The following CADPS variants were observed in gnomAD, a reference collection of about 807,000 sequenced individuals.
CADPS encodes the protein calcium-dependent secretion activator 1.
CADPS carries 57 observed loss-of-function variants against 167.3 expected under a neutral mutation model. The ratio of observed to expected loss-of-function variants is 0.34; its 90% CI spans 0.28 to 0.42. The LOEUF (loss-of-function observed/expected upper bound fraction) is 0.42. CADPS is among the 20% of genes least tolerant of loss of function. CADPS has a pLI of 1.00. For missense variants in CADPS, 1,414 were observed against 1,738.1 expected, an observed-to-expected ratio of 0.81 and a Z score of 3.32; for synonymous variants, 676 against 635.3, an observed-to-expected ratio of 1.06 and a Z score of -0.96.
chr3:62,656,478 T>C (rs1455680596), intron 4 of CADPS, among the ~76,000 whole-genome samples: 1 of 152,202 alleles, frequency 6.6e-6, no homozygotes, highest in Non-Finnish European at 1.5e-5. Context: ...GTTTTTGTTC[T>C]TAGCTATGAT....
chr3:62,463,738 C>G (rs2059638431), intron 26 of CADPS, among the ~76,000 whole-genome samples: 1 of 152,150 alleles, frequency 6.6e-6, no homozygotes, highest in Non-Finnish European at 1.5e-5. Flanking sequence ...GATAGGTTTC[C>G]TTTCAGCTGT....
At position 62,874,754 on chromosome 3, in the gene CADPS, G is replaced by A. The variant is rs1276324927; in HGVS notation, c.276C>T (p.Pro92=). 1 of 1,478,568 alleles carries A rather than the reference G, an allele frequency of 6.8e-7. No individual in the cohort carries two copies. The highest frequency in any genetic ancestry group is 2.0e-5 in the Admixed American group (1 of 49,306). 91.6% of individuals were successfully genotyped at this position (1,478,568 alleles called of 1,614,324 possible). A position where few individuals can be genotyped will look rare whatever the true frequency, so the allele number is the denominator to read the frequency against. ...SRAGGGRPSS[P]SPSVVSEKEK... ...CCTTCTCGCTCACCACCGACGGGCT[G>A]GGGCTGGAGGGCCGGCCGCCGCCAG... The change falls in exon 1 of 30, where the codon CCC becomes CCT. Residue 92 remains proline (P), a synonymous_variant. Transcript: ENST00000383710. The surrounding 1 kb of genome is among the most constrained non-coding windows in gnomAD (Gnocchi z 7.1).
intron 1 of CADPS, among the ~76,000 whole-genome samples, chr3:62,768,671 A>C (rs1289108424): frequency 6.6e-6 from 1 of 152,176 alleles, no homozygotes; most frequent in Non-Finnish European, 1.5e-5. Context: ...AGGAATCAAA[A>C]GAAATAAGGG....
chr3:62,755,839 T>C (rs1255324307), intron 2 of CADPS, among the ~76,000 whole-genome samples: 1 of 152,150 alleles, frequency 6.6e-6, no homozygotes, highest in East Asian at 1.9e-4. Context: ...TCTGCAAACC[T>C]GTAACACTTA....
intron 24 of CADPS, among the ~76,000 whole-genome samples, chr3:62,467,570 T>C (rs888925911): frequency 2.0e-5 from 3 of 152,148 alleles, no homozygotes; most frequent in African/African-American, 4.8e-5. Flanking sequence ...TTGGAAGACC[T>C]GGATAAAGTC....
At chr3:62,851,863 A>G (rs921321863) in intron 1 of CADPS, among the ~76,000 whole-genome samples, 1 of 151,804 alleles carries the variant, frequency 6.6e-6, no homozygotes, top group African/African-American at 2.4e-5. Flanking sequence ...AACATCCTGC[A>G]GAGTGTTTTC....
chr3:62,830,393 A>C (rs1041604848), intron 1 of CADPS, among the ~76,000 whole-genome samples: 3 of 152,200 alleles, frequency 2.0e-5, no homozygotes, highest in African/African-American at 7.2e-5. Flanking sequence ...AGTCCACTTT[A>C]ATAGCAATCA....
intron 3 of CADPS, among the ~76,000 whole-genome samples, chr3:62,740,963 GGATTT>G (rs2080099916): frequency 6.6e-6 from 1 of 152,108 alleles, no homozygotes; most frequent in Non-Finnish European, 1.5e-5. Flanking sequence ...TATTGTGGAT[GGATTT>G]TATTCCTTCA....
intron 28 of CADPS, among the ~76,000 whole-genome samples, chr3:62,409,084 A>G (rs2149202163): frequency 6.6e-6 from 1 of 152,346 alleles, no homozygotes; most frequent in South Asian, 2.1e-4. Context: ...TTAATCATTG[A>G]CTTGAACTCA....
chr3:62,515,662 C>T (rs934380189), intron 16 of CADPS, among the ~76,000 whole-genome samples: 1 of 152,028 alleles, frequency 6.6e-6, no homozygotes, highest in African/African-American at 2.4e-5. Flanking sequence ...TGTATTGCTT[C>T]CAATGCTATC....
chr3:62,658,132 T>C (rs2072183156), intron 4 of CADPS, among the ~76,000 whole-genome samples: 1 of 152,128 alleles, frequency 6.6e-6, no homozygotes, highest in Non-Finnish European at 1.5e-5. Flanking sequence ...TCTAAAGAAA[T>C]AGCATGAAAC....
chr3:62,721,332 AG>A (rs1241681299), intron 3 of CADPS, among the ~76,000 whole-genome samples: 1 of 151,894 alleles, frequency 6.6e-6, no homozygotes, highest in Non-Finnish European at 1.5e-5. Context: ...ACTGTTCACC[AG>A]GGGGGCATTT....
At chr3:62,460,382 TG>T (rs2059192595) in intron 26 of CADPS, among the ~76,000 whole-genome samples, 1 of 152,236 alleles carries the variant, frequency 6.6e-6, no homozygotes, top group African/African-American at 2.4e-5. Flanking sequence ...AATCTGGTGA[TG>T]TTACCCTCTG....
chr3:62,667,804 G>A (rs1286902652), intron 3 of CADPS, among the ~76,000 whole-genome samples: 2 of 151,794 alleles, frequency 1.3e-5, no homozygotes, highest in Admixed American at 1.3e-4. Flanking sequence ...GGGGGTGGGG[G>A]GAGACAGGGA....
In CADPS at chr3:62,438,266, G is replaced by A. The variant is rs1172236996; in HGVS notation, c.3670-55C>T. The stretch of plus-strand genomic sequence containing the variant: ...AATTTTCAGACAGCCACTCTTCCTT[G>A]TTTACCATTCACTTGTACCCTCTAC... On this transcript the variant is annotated intron_variant, in intron 27 of 29. Coordinates refer to ENST00000383710, the MANE Select transcript of CADPS (RefSeq NM_003716.4). This position sits in a 1 kb window ranked among gnomAD's most constrained non-coding sequence, Gnocchi z 4.7. 10 of 1,309,762 alleles carry A rather than the reference G, an allele frequency of 7.6e-6. No homozygotes were observed. Among genetic ancestry groups the A allele is most frequent in the Non-Finnish European group, 8.8e-6 (8 of 905,664 alleles). The allele number at this position is 1,309,762 out of a possible 1,614,324, so 81.1% of individuals were successfully genotyped here.
intron 17 of CADPS, among the ~76,000 whole-genome samples, chr3:62,505,597 A>C (rs2066526002): frequency 6.6e-6 from 1 of 152,186 alleles, no homozygotes; most frequent in Admixed American, 6.5e-5. Context: ...CAGCAGTCAG[A>C]GTGATCTCTG....
Position 62,478,543 on chromosome 3 carries a change from C to T in CADPS, c.3174-127G>A, listed in dbSNP as rs968227877. ...CAACATACAAAACAACGTGTGTTGG[C>T]GGTGGAGGCGGGGGCGAGTCTCCAC... On this transcript the variant is annotated intron_variant, in intron 22 of 29. Transcript: ENST00000383710. This position sits in a 1 kb window ranked among gnomAD's most constrained non-coding sequence, Gnocchi z 5.7. 2.5e-5 allele frequency: 21 copies of T among 828,392 alleles called. No homozygotes were observed. Among genetic ancestry groups the T allele is most frequent in the East Asian group, 5.3e-5 (2 of 37,450 alleles). 51.3% of individuals were successfully genotyped at this position (828,392 alleles called of 1,614,324 possible).
At chr3:62,494,384 C>T (rs1415743543) in intron 18 of CADPS, among the ~76,000 whole-genome samples, 1 of 152,148 alleles carries the variant, frequency 6.6e-6, no homozygotes, top group African/African-American at 2.4e-5. Flanking sequence ...CCATCTCCAC[C>T]CCTGTGTGGA....
rs2058954364 is a variant in CADPS, at chr3:62,458,420, G to C, written c.3636+6947C>G. Among the ~76,000 whole-genome samples the C allele has an allele frequency of 6.6e-6, 1 of 152,156 alleles. No individual in the cohort carries two copies. Among genetic ancestry groups the C allele is most frequent in the African/African-American group, 2.4e-5 (1 of 41,440 alleles). ...TGCATGTGATTTGGAGGTCAGGATAGAATCTATAATTAATTTCATGACAAC... is the reference window on the plus strand; with the variant it reads ...TGCATGTGATTTGGAGGTCAGGATACAATCTATAATTAATTTCATGACAAC... On this transcript the variant is annotated intron_variant, in intron 26 of 29. Coordinates refer to ENST00000383710, the MANE Select transcript of CADPS (RefSeq NM_003716.4). This position sits in a 1 kb window ranked among gnomAD's most constrained non-coding sequence, Gnocchi z 4.6.
Sources: allele counts gnomAD v4.1 joint callset (sites outside exome capture counted in the v4.1 genomes callset), GRCh38; gene constraint gnomAD v4.1.1; non-coding constraint Gnocchi (gnomAD v3.1); transcripts MANE v1.5; gene names NCBI Gene and HGNC (gene_info 2026-07-23, HGNC 2026-07-21).